HDAC5: variants seen among roughly 807,000 people sequenced by gnomAD.
The protein encoded by HDAC5 is histone deacetylase 5, also known as antigen NY-CO-9.
In HDAC5, 25 loss-of-function variants were observed where a neutral mutation model predicts 133.3. The ratio of observed to expected loss-of-function variants is 0.19; its 90% CI spans 0.14 to 0.26. The LOEUF is 0.26. Ranked by LOEUF, HDAC5 falls within the 10% of genes least tolerant of loss-of-function variation. The pLI is 1.00. For missense variants in HDAC5, 1,041 were observed against 1,460.5 expected (o/e 0.71, Z 4.68); for synonymous variants, 589 against 610.8 (o/e 0.96, Z 0.53).
At chr17:44,118,638 T>G (rs1357593391) in intron 1 of HDAC5, among the ~76,000 whole-genome samples, 1 of 152,126 alleles carries the variant, frequency 6.6e-6, no homozygotes, top group Admixed American at 6.5e-5. Flanking sequence ...TCAGACACTA[T>G]GCATACAGAC....
At position 44,091,263 on chromosome 17, in the gene HDAC5, C is replaced by T; in HGVS notation, c.1387+7G>A. 1 of 1,605,860 alleles carries T rather than the reference C, an allele frequency of 6.2e-7. No individual in the cohort carries two copies. The highest frequency in any genetic ancestry group is 8.5e-7 in the Non-Finnish European group (1 of 1,176,166). On this transcript the variant is annotated splice_region_variant and intron_variant, in intron 11 of 26. Transcript: ENST00000682912. The stretch of plus-strand genomic sequence containing the variant: ...CCCCTCCCTTGCACAGCTACCTGTC[C>T]ACTCACCAGCAATGAGGGTGCTCTG...
At chr17:44,110,274 T>C (rs2052254902) in intron 3 of HDAC5, among the ~76,000 whole-genome samples, 1 of 152,216 alleles carries the variant, frequency 6.6e-6, no homozygotes, top group African/African-American at 2.4e-5. Context: ...CTGTACTCGA[T>C]CCTGTAGCCC....
At chr17:44,093,008 G>C in intron 6 of HDAC5, 84 bp downstream of exon 6, 1 of 987,064 alleles carries the variant, frequency 1.0e-6, no homozygotes, top group Non-Finnish European at 1.5e-6. Context: ...TATGGGCACG[G>C]GGAAGAAGCC....
intron 2 of HDAC5, 77 bp from the exon 3 acceptor site, chr17:44,110,877 C>T (rs1453058538): frequency 1.5e-6 from 2 of 1,294,008 alleles, no homozygotes; most frequent in Non-Finnish European, 2.2e-6. Context: ...GCACCAGCAG[C>T]ATGCCAGGGA....
At chr17:44,110,922 A>T (rs1489810951) in intron 2 of HDAC5, 122 bp from the exon 3 acceptor site, 1 of 810,274 alleles carries the variant, frequency 1.2e-6, no homozygotes, top group Admixed American at 2.1e-5. Flanking sequence ...GACCGAAGGG[A>T]AGGTGGTCGG....
chr17:44,094,313 G>C (rs893484025), intron 3 of HDAC5, among the ~76,000 whole-genome samples: 36 of 150,060 alleles, frequency 2.4e-4, no homozygotes, highest in Non-Finnish European at 4.9e-4. Flanking sequence ...GACAGAGCAA[G>C]ACTGTCTCCA....
At chr17:44,120,706 A>G (rs1315359098) in intron 1 of HDAC5, 2 of 149,110 alleles carry the variant, frequency 1.3e-5, no homozygotes, top group African/African-American at 5.0e-5. Context: ...GTGTCATCGC[A>G]CTCCCGCCTG....
intron 16 of HDAC5, 90 bp downstream of exon 16, chr17:44,084,465 C>A: frequency 6.6e-7 from 1 of 1,520,004 alleles, no homozygotes; most frequent in Non-Finnish European, 9.0e-7. Context: ...TGGGGACAAC[C>A]CTCCTAGCCT....
intron 3 of HDAC5, among the ~76,000 whole-genome samples, chr17:44,104,184 G>A (rs925903252): frequency 2.4e-4 from 37 of 151,760 alleles, no homozygotes; most frequent in African/African-American, 8.5e-4. Context: ...ACCCAGGCAT[G>A]GTCTCACATA....
At chr17:44,094,709 T>G (rs1280543747) in intron 3 of HDAC5, among the ~76,000 whole-genome samples, 1 of 151,402 alleles carries the variant, frequency 6.6e-6, no homozygotes, top group African/African-American at 2.4e-5. Context: ...GCATTTTATG[T>G]ATCTGTGTGT....
chr17:44,112,550 C>T (rs2052408829), intron 2 of HDAC5, among the ~76,000 whole-genome samples: 1 of 152,158 alleles, frequency 6.6e-6, no homozygotes, highest in Non-Finnish European at 1.5e-5. Flanking sequence ...CCAGGGACAC[C>T]TGTCCTCTCT....
chr17:44,106,976 G>A (rs887141114), intron 3 of HDAC5, among the ~76,000 whole-genome samples: 1 of 149,696 alleles, frequency 6.7e-6, no homozygotes, highest in Non-Finnish European at 1.5e-5. Context: ...AAGAGATAGG[G>A]TCTTGTTATA....
chr17:44,096,441 A>C (rs2051275293), intron 3 of HDAC5, among the ~76,000 whole-genome samples: 2 of 151,712 alleles, frequency 1.3e-5, no homozygotes, highest in Admixed American at 6.6e-5. Flanking sequence ...AGAGAGGGAA[A>C]AAAAAAACAA....
intron 3 of HDAC5, among the ~76,000 whole-genome samples, chr17:44,096,285 C>A (rs1460967412): frequency 6.6e-6 from 1 of 151,952 alleles, no homozygotes; most frequent in Non-Finnish European, 1.5e-5. Flanking sequence ...AGGGAGGTCA[C>A]GAGGGGCTGG....
chr17:44,078,087 G>A lies in HDAC5; in HGVS notation c.*289C>T. On this transcript the variant is annotated 3_prime_UTR_variant, in exon 27 of 27. Coordinates refer to ENST00000682912, the MANE Select transcript of HDAC5 (RefSeq NM_005474.5). ...GTCTGGGCCCCCGTGCCCACCTTGA[G>A]CTGGCCCAGGCTCCAAGGAGGAAAA... is the stretch of plus-strand genomic sequence containing the variant. 1 of 330,664 alleles carries A rather than the reference G, an allele frequency of 3.0e-6. No individual in the cohort carries two copies. Among genetic ancestry groups the A allele is most frequent in the Non-Finnish European group, 5.5e-6 (1 of 181,598 alleles). 20.5% of individuals were successfully genotyped at this position (330,664 alleles called of 1,614,324 possible). A position where few individuals can be genotyped will look rare whatever the true frequency, so the allele number is the denominator to read the frequency against.
intron 11 of HDAC5, among the ~76,000 whole-genome samples, chr17:44,090,104 G>T (rs1341888348): frequency 6.6e-6 from 1 of 150,542 alleles, no homozygotes; most frequent in Non-Finnish European, 1.5e-5. Flanking sequence ...GCGGTGGCAG[G>T]CGCCTATAAT....
intron 1 of HDAC5, among the ~76,000 whole-genome samples, chr17:44,122,327 G>A (rs2053061457): frequency 6.6e-6 from 1 of 152,016 alleles, no homozygotes. Flanking sequence ...TCTGGCTAGG[G>A]GTCCCTCTGA....
At chr17:44,089,272 G>C (rs935688871) in intron 11 of HDAC5, among the ~76,000 whole-genome samples, 1 of 152,210 alleles carries the variant, frequency 6.6e-6, no homozygotes, top group Non-Finnish European at 1.5e-5. Context: ...CCAGCACTTT[G>C]GGAGTCCAAG....
In HDAC5 at chr17:44,076,997, C is replaced by G. The variant is rs1395278380; in HGVS notation, c.*1379G>C. ...GATCTAAAACAAACACACAAGCACA[C>G]TATGAACCGATGGTGCTGGGACTCC... On this transcript the variant is annotated 3_prime_UTR_variant, in exon 27 of 27. Transcript: ENST00000682912. 3 of 153,676 alleles carry G rather than the reference C, an allele frequency of 2.0e-5. No homozygotes were observed. Among genetic ancestry groups the G allele is most frequent in the African/African-American group, 7.2e-5 (3 of 41,446 alleles). 9.5% of individuals were successfully genotyped at this position (153,676 alleles called of 1,614,324 possible). A position where few individuals can be genotyped will look rare whatever the true frequency, so the allele number is the denominator to read the frequency against.
Sources: gnomAD v4.1 joint callset for allele counts (sites outside exome capture counted in the v4.1 genomes callset) on GRCh38, gnomAD v4.1.1 for gene constraint, MANE v1.5 for transcripts, NCBI Gene and HGNC (gene_info 2026-07-23, HGNC 2026-07-21) for gene names.